Variants in LRP6 observed in about 807,000 individuals in gnomAD.
LRP6 encodes LDL receptor related protein 6.
LRP6 carries 43 observed loss-of-function variants against 184.1 expected under a neutral mutation model. The ratio of observed to expected loss-of-function variants is 0.23; its 90% CI spans 0.18 to 0.30. The LOEUF (loss-of-function observed/expected upper bound fraction) is 0.30, where lower values mean the gene tolerates loss of function less well. Among genes scored for constraint, LRP6 ranks in the 10% least tolerant of loss-of-function variants. The probability of loss-of-function intolerance (pLI) is 1.00; values close to 1 mark genes in which losing one functional copy is unlikely to be tolerated. For synonymous variants in LRP6, 719 were observed against 684.9 expected, an observed-to-expected ratio of 1.05 and a Z score of -0.78; for missense variants, 1,571 against 2,005.3, an observed-to-expected ratio of 0.78 and a Z score of 4.14.
In LRP6 at chr12:12,164,282, T is replaced by G; in HGVS notation, c.2043A>C (p.Ile681=). The G allele has an allele frequency of 2.5e-6, 4 of 1,613,960 alleles. No individual in the cohort carries two copies. The highest frequency in any genetic ancestry group is 3.4e-6 in the Non-Finnish European group (4 of 1,179,974). The change falls in exon 9 of 23, where the codon ATA becomes ATC. Residue 681 remains isoleucine (I), a synonymous_variant. Coordinates refer to ENST00000261349, the MANE Select transcript of LRP6 (RefSeq NM_002336.3). ...CAATTCTTTTGCTAACCTTGAGTGA[T>G]ATATCAGTCCAATAAATTCGGTTGT... ...VTDNRIYWTD[I]SLKTISRAFM...
chr12:12,231,637 C>T (rs759054222), intron 2 of LRP6, among the ~76,000 whole-genome samples: 1 of 152,002 alleles, frequency 6.6e-6, no homozygotes, highest in Non-Finnish European at 1.5e-5. Flanking sequence ...GGCACAGTGG[C>T]TCATGCCTGT....
At chr12:12,190,187 T>C (rs1157768304) in intron 3 of LRP6, among the ~76,000 whole-genome samples, 4 of 152,222 alleles carry the variant, frequency 2.6e-5, no homozygotes, top group African/African-American at 9.6e-5. Flanking sequence ...AAAGTAGGGA[T>C]AACCACACAG....
chr12:12,266,662 G>A lies in LRP6; in HGVS notation c.55+19C>T. The A allele has an allele frequency of 1.2e-6, 2 of 1,601,890 alleles. No homozygotes were observed. Among genetic ancestry groups the A allele is most frequent in the East Asian group, 2.3e-5 (1 of 44,234 alleles). On this transcript the variant is annotated intron_variant, in intron 1 of 22. Coordinates refer to ENST00000261349, the MANE Select transcript of LRP6 (RefSeq NM_002336.3). ...CCCCCCGAACCCCACCAACTTTCCAGTGCCCCCACTCTTCCCACCTCTCAG... is the reference window on the plus strand; with the variant it reads ...CCCCCCGAACCCCACCAACTTTCCAATGCCCCCACTCTTCCCACCTCTCAG...
chr12:12,182,819 A>C (rs1474668044), intron 5 of LRP6, among the ~76,000 whole-genome samples: 1 of 152,230 alleles, frequency 6.6e-6, no homozygotes, highest in Non-Finnish European at 1.5e-5. Flanking sequence ...AATTTGAGCA[A>C]GGTGATCAAA....
chr12:12,175,250 G>A (rs751918717), intron 7 of LRP6, among the ~76,000 whole-genome samples: 4 of 152,046 alleles, frequency 2.6e-5, no homozygotes, highest in Non-Finnish European at 5.9e-5. Context: ...TTAGCTAGGC[G>A]TGGTGGCATG....
At chr12:12,240,245 G>A (rs546478754) in intron 2 of LRP6, among the ~76,000 whole-genome samples, 1 of 152,212 alleles carries the variant, frequency 6.6e-6, no homozygotes, top group South Asian at 2.1e-4. Context: ...CTGCCTAAAT[G>A]TAACTGGCTA....
chr12:12,157,541 T>A (rs1244392933), intron 12 of LRP6, among the ~76,000 whole-genome samples: 1 of 152,212 alleles, frequency 6.6e-6, no homozygotes, highest in African/African-American at 2.4e-5. Flanking sequence ...GCAAAAAAGC[T>A]AATGTGTGGC....
In LRP6 at chr12:12,127,060, G is replaced by C. The variant is rs149224968; in HGVS notation, c.4082-139C>G. The C allele has an allele frequency of 4.1e-6, 3 of 735,052 alleles. No homozygotes were observed. The African/African-American group carries it at 5.2e-5, about 13-fold the overall frequency. 45.5% of individuals were successfully genotyped at this position (735,052 alleles called of 1,614,324 possible). A position where few individuals can be genotyped will look rare whatever the true frequency, so the allele number is the denominator to read the frequency against. ...ATTCATAAACACTTTTCTTTTTTAT[G>C]AGTACATACATACCACGCCCTGAAG... On this transcript the variant is annotated intron_variant, in intron 19 of 22. Coordinates refer to ENST00000261349, the MANE Select transcript of LRP6 (RefSeq NM_002336.3).
intron 7 of LRP6, among the ~76,000 whole-genome samples, chr12:12,178,927 C>T (rs77710352): frequency 0.018 from 2,739 of 152,238 alleles, 83 homozygotes; most frequent in African/African-American, 0.062. Context: ...TCCAAAACAA[C>T]TGTTCTAGAG....
In LRP6 at chr12:12,147,522, G is replaced by A. The variant is rs193920743; in HGVS notation, c.3241C>T (p.Pro1081Ser). 12 of 1,613,914 alleles carry A rather than the reference G, an allele frequency of 7.4e-6. No homozygotes were observed. Among genetic ancestry groups the A allele is most frequent in the South Asian group, 5.5e-5 (5 of 91,072 alleles). ...MYFTNLQERS[P>S]KIERAALDGT... ...TCCAAAGCAGCCCGTTCAATTTTAG[G>A]AGACCTTTCCTGAAGATTGGTAAAA... Residue 1081 changes from proline to serine, a missense_variant, in exon 15 of 23, where the codon CCT (proline) becomes TCT (serine). Physicochemically the swap from Pro to Ser is moderately conservative, Grantham distance 74 (BLOSUM62 -1). This residue lies in a region of LRP6 where 763 missense variants were observed against 859.5 expected (regional missense o/e 0.89). Coordinates refer to ENST00000261349, the MANE Select transcript of LRP6 (RefSeq NM_002336.3).
At chr12:12,140,769 A>G (rs1436602036) in intron 15 of LRP6, among the ~76,000 whole-genome samples, 1 of 151,976 alleles carries the variant, frequency 6.6e-6, no homozygotes, top group East Asian at 1.9e-4. Flanking sequence ...ATGCCAGGCT[A>G]ATTTTTGTAT....
chr12:12,229,384 AAAAGAAG>A (rs1209733895), intron 2 of LRP6, among the ~76,000 whole-genome samples: 49 of 103,678 alleles, frequency 4.7e-4, no homozygotes, highest in African/African-American at 1.3e-3. Flanking sequence ...AAAAAAAAAA[AAAAGAAG>A]AAGAAGAAGA....
At chr12:12,157,996 AT>A (rs1284782548) in intron 12 of LRP6, among the ~76,000 whole-genome samples, 2 of 152,216 alleles carry the variant, frequency 1.3e-5, no homozygotes, top group South Asian at 2.1e-4. Flanking sequence ...AAAAATCTAG[AT>A]TCAGGACCAA....
intron 19 of LRP6, among the ~76,000 whole-genome samples, chr12:12,129,541 C>A (rs1464773257): frequency 1.3e-5 from 2 of 151,968 alleles, no homozygotes; most frequent in Non-Finnish European, 2.9e-5. Context: ...ATTCATTGAT[C>A]AACACCCAGT....
chr12:12,124,570 T>A lies in LRP6; in HGVS notation c.4542A>T (p.Ser1514=). ...YSSNSPSTHR[S]YSYRPYSYRH... ...TAGAGAAGGATGTGTATTACCTGTA[T>A]GACCTATGAGTGGAAGGACTGTTTG... Residue 1514 remains serine, a synonymous_variant, in exon 22 of 23, where the codon TCA becomes TCT. Transcript: ENST00000261349. 6.2e-7 allele frequency: 1 copy of A among 1,602,602 alleles called. No homozygotes were observed. The highest frequency in any genetic ancestry group is 8.6e-7 in the Non-Finnish European group (1 of 1,169,518).
chr12:12,138,166 G>A (rs546235669), intron 16 of LRP6, among the ~76,000 whole-genome samples, 159 bp downstream of exon 16: 92 of 149,930 alleles, frequency 6.1e-4, no homozygotes, highest in African/African-American at 2.0e-3. Context: ...GTGAGACTCC[G>A]TCTCCAAAAA....
chr12:12,201,372 T>C (rs1024303066), intron 3 of LRP6, among the ~76,000 whole-genome samples: 6 of 152,180 alleles, frequency 3.9e-5, no homozygotes, highest in Admixed American at 3.9e-4. Context: ...GTCTTTACCA[T>C]AGTCACACTG....
chr12:12,137,502 G>T (rs138734932), intron 16 of LRP6, among the ~76,000 whole-genome samples: 5 of 152,136 alleles, frequency 3.3e-5, no homozygotes, highest in South Asian at 4.2e-4. Context: ...TATCCCAAAG[G>T]GGGGGAAAAA....
intron 3 of LRP6, among the ~76,000 whole-genome samples, chr12:12,193,862 T>C (rs1362945525): frequency 6.6e-6 from 1 of 152,104 alleles, no homozygotes; most frequent in African/African-American, 2.4e-5. Context: ...GCTGATATTA[T>C]GCTAATCTCA....
Sources: allele counts gnomAD v4.1 joint callset (sites outside exome capture counted in the v4.1 genomes callset), GRCh38; gene constraint gnomAD v4.1.1; regional missense constraint gnomAD v4.1.1; transcripts MANE v1.5; gene names NCBI Gene and HGNC (gene_info 2026-07-23, HGNC 2026-07-21).